Variants in ANK1 observed in about 807,000 individuals in gnomAD.
The protein encoded by ANK1 is ankyrin-1.
A neutral mutation model predicts 210.4 loss-of-function variants in ANK1; 51 were observed. The ratio of observed to expected loss-of-function variants is 0.24; its 90% CI spans 0.19 to 0.31. The LOEUF is 0.31. Among genes scored for constraint, ANK1 ranks in the 10% least tolerant of loss-of-function variants. The pLI is 1.00. For missense variants in ANK1, 2,051 were observed against 2,504.4 expected (o/e 0.82, Z 3.86); for synonymous variants, 967 against 1,025.9 (o/e 0.94, Z 1.10).
Position 41,797,449 on chromosome 8 carries a change from C to G in ANK1, c.27+63G>C. On this transcript the variant is annotated intron_variant, in intron 1 of 42. Coordinates refer to ENST00000289734, the MANE Select transcript of ANK1 (RefSeq NM_000037.4). This position sits in a 1 kb window ranked among gnomAD's most constrained non-coding sequence, Gnocchi z 4.0. ...CTCTTGCTCGCGTGCTGCCTACTGG[C>G]GCGGCCTGGGTGGCCCCCTCCTGAC... is the stretch of plus-strand genomic sequence containing the variant. The G allele has an allele frequency of 6.8e-7, 1 of 1,481,252 alleles. No individual in the cohort carries two copies. Among genetic ancestry groups the G allele is most frequent in the Non-Finnish European group, 9.3e-7 (1 of 1,075,974 alleles). The allele number at this position is 1,481,252 out of a possible 1,614,324, so 91.8% of individuals were successfully genotyped here. A position where few individuals can be genotyped will look rare whatever the true frequency, so the allele number is the denominator to read the frequency against.
At chr8:41,668,130 G>C (rs1811132477) in intron 39 of ANK1, 137 bp downstream of exon 39, 19 of 1,279,480 alleles carry the variant, frequency 1.5e-5, no homozygotes, top group Non-Finnish European at 1.9e-5. Flanking sequence ...CTAGAGAAAC[G>C]GAAGCACCAC....
chr8:41,684,357 C>T (rs1817039273), intron 37 of ANK1, 187 bp downstream of exon 37: 1 of 953,576 alleles, frequency 1.0e-6, no homozygotes, highest in Admixed American at 1.9e-5. Flanking sequence ...ACAGGAGCAG[C>T]CATCTCTCTC....
chr8:41,666,912 G>C (rs1244626409), intron 39 of ANK1, among the ~76,000 whole-genome samples: 1 of 152,190 alleles, frequency 6.6e-6, no homozygotes, highest in Non-Finnish European at 1.5e-5. Flanking sequence ...GGTCCACAGT[G>C]CCCTCATTTA....
exon 1 of ANK1, chr8:41,896,567 G>C: frequency 6.7e-7 from 1 of 1,492,996 alleles, no homozygotes; most frequent in Non-Finnish European, 8.9e-7. Flanking sequence ...AGGGGAAGGG[G>C]GTCTCTGCTC....
intron 3 of ANK1, among the ~76,000 whole-genome samples, chr8:41,732,664 C>T (rs923262818): frequency 6.6e-6 from 1 of 152,076 alleles, no homozygotes; most frequent in Non-Finnish European, 1.5e-5. Flanking sequence ...CTCCCCTCCT[C>T]GGCCTCCCAA....
At chr8:41,748,592 G>A (rs774672705) in intron 2 of ANK1, among the ~76,000 whole-genome samples, 8 of 152,148 alleles carry the variant, frequency 5.3e-5, no homozygotes, top group Middle Eastern at 3.4e-3. Flanking sequence ...TTCTGTACTC[G>A]GAGACTTGTA....
rs917387478 is a variant in ANK1, at chr8:41,699,471, C to A, written c.2539G>T (p.Val847Leu). ...GCTCACACTTGGTCTAGCTTCGGCA[C>A]AAAATCCAGCAGCTCCTTCTCTTCA... Reference protein sequence around the residue: ...VDEEKELLDFVPKLDQVVESP... With the variant: ...VDEEKELLDFLPKLDQVVESP... Residue 847 changes from valine (V) to leucine (L), a missense_variant, in exon 23 of 43, where the codon GTG becomes TTG. By Grantham distance (32) the Val-to-Leu change is conservative. Transcript: ENST00000289734. 3.2e-5 allele frequency: 51 copies of A among 1,614,112 alleles called. No individual in the cohort carries two copies. The highest frequency in any genetic ancestry group is 4.1e-5 in the Non-Finnish European group (48 of 1,180,032).
At position 41,842,365 on chromosome 8, in the gene ANK1, C is replaced by T. The variant is rs967274220; in HGVS notation, c.126+53990G>A. Among the ~76,000 whole-genome samples, 9 of 152,088 alleles carry T rather than the reference C, an allele frequency of 5.9e-5. No homozygotes were observed. The South Asian group carries it at 8.3e-4, about 14-fold the overall frequency. On this transcript the variant is annotated intron_variant, in intron 1 of 42. Transcript: ENST00000265709. ...AAAATTAGCTGGGCGTGGTGGTGGG[C>T]GCCTATAATCCCAGCTACTTGGGAG...
At position 41,680,895 on chromosome 8, in the gene ANK1, T is replaced by C. The variant is rs1489702010; in HGVS notation, c.4537+3649A>G. ...CAGGGTGAGTTCCAGAATGTCTGTC[T>C]CTCTGGTAGTCTCATGCAGCCCCAC... On this transcript the variant is annotated intron_variant, in intron 37 of 42. Coordinates refer to ENST00000289734, the MANE Select transcript of ANK1 (RefSeq NM_000037.4). Among the ~76,000 whole-genome samples, 5 of 152,200 alleles carry C rather than the reference T, an allele frequency of 3.3e-5. No individual in the cohort carries two copies. In the East Asian group the frequency reaches 5.8e-4, roughly 18 times the overall value.
At chr8:41,708,292 G>A (rs1483816003) in intron 17 of ANK1, among the ~76,000 whole-genome samples, 1 of 152,196 alleles carries the variant, frequency 6.6e-6, no homozygotes, top group Non-Finnish European at 1.5e-5. Context: ...GCTCACGCGC[G>A]CTTCCTCCCC....
Position 41,693,913 on chromosome 8 carries a change from G to A in ANK1, c.3517C>T (p.Leu1173Phe). Residue 1173 changes from leucine (L) to phenylalanine (F), a missense_variant, in exon 29 of 43, where the codon CTT becomes TTT. Coordinates refer to ENST00000289734, the MANE Select transcript of ANK1 (RefSeq NM_000037.4). ...GEGDTTSLRLLCSVIGGTDQA... is the reference protein window; with the variant it reads ...GEGDTTSLRLFCSVIGGTDQA... ...CCCCTCTCACCAATGACGCTGCAAA[G>A]CAGGCGCAGGCTGGTGGTGTCTCCC... 2 of 1,610,600 alleles carry A rather than the reference G, an allele frequency of 1.2e-6. No homozygotes were observed.
At position 41,768,276 on chromosome 8, in the gene ANK1, T is replaced by C. The variant is rs550771814; in HGVS notation, c.28-10139A>G. Among the ~76,000 whole-genome samples, 217 of 152,336 alleles carry C rather than the reference T, an allele frequency of 1.4e-3. 2 individuals are homozygous for C. Among genetic ancestry groups the C allele is most frequent in the Non-Finnish European group, 1.9e-3 (129 of 68,018 alleles). ...TCAGGTAACTGGGCCCCTGGCAATATGGCTTGTTCAGATCATAGGTGTTTT... is the reference window on the plus strand; with the variant it reads ...TCAGGTAACTGGGCCCCTGGCAATACGGCTTGTTCAGATCATAGGTGTTTT... On this transcript the variant is annotated intron_variant, in intron 1 of 42. Coordinates refer to ENST00000289734, the MANE Select transcript of ANK1 (RefSeq NM_000037.4).
At chr8:41,766,924 C>T (rs1243137992) in intron 1 of ANK1, among the ~76,000 whole-genome samples, 2 of 152,176 alleles carry the variant, frequency 1.3e-5, no homozygotes, top group Non-Finnish European at 2.9e-5. Flanking sequence ...CGGCCCAAGG[C>T]CGTGCATCTC....
chr8:41,863,132 G>A (rs564323119), intron 1 of ANK1, among the ~76,000 whole-genome samples: 98 of 152,316 alleles, frequency 6.4e-4, no homozygotes, highest in African/African-American at 2.2e-3. Flanking sequence ...GCGGAGGCAG[G>A]CGGATCACGA....
chr8:41,719,613 C>G (rs200261693), intron 10 of ANK1, 48 bp downstream of exon 10: 245 of 1,611,920 alleles, frequency 1.5e-4, no homozygotes, highest in African/African-American at 9.6e-4. Flanking sequence ...CTCCTGCCCC[C>G]AGCCTGCCCT....
chr8:41,811,744 T>C (rs1294023091), intron 1 of ANK1, among the ~76,000 whole-genome samples: 2 of 152,212 alleles, frequency 1.3e-5, no homozygotes, highest in Admixed American at 6.5e-5. Flanking sequence ...GAGGACTCCG[T>C]GAGGTTATGC....
At chr8:41,895,680 G>T (rs966751549) in intron 1 of ANK1, among the ~76,000 whole-genome samples, 3 of 152,170 alleles carry the variant, frequency 2.0e-5, no homozygotes, top group African/African-American at 7.2e-5. Context: ...CCCCTCCCTG[G>T]CATGGATGGC....
chr8:41,769,939 A>C (rs1263319251), intron 1 of ANK1, among the ~76,000 whole-genome samples: 1 of 146,656 alleles, frequency 6.8e-6, no homozygotes, highest in Non-Finnish European at 1.5e-5. Context: ...TCAGGTGCTT[A>C]TCTGCCATCT....
chr8:41,876,313 C>G (rs1007411203), intron 1 of ANK1, among the ~76,000 whole-genome samples: 1 of 152,198 alleles, frequency 6.6e-6, no homozygotes, highest in Non-Finnish European at 1.5e-5. Flanking sequence ...CGCAGCCCCT[C>G]GGCCAGCGGG....
Sources: gnomAD v4.1 joint callset for allele counts (sites outside exome capture counted in the v4.1 genomes callset) on GRCh38, gnomAD v4.1.1 for gene constraint, Gnocchi (gnomAD v3.1) non-coding constraint, MANE v1.5 for transcripts, NCBI Gene and HGNC (gene_info 2026-07-23, HGNC 2026-07-21) for gene names.